Variants in ZNF322 observed in about 807,000 individuals in gnomAD.
The protein encoded by ZNF322 is HLA complex group 12.
ZNF322 carries 1 observed loss-of-function variant against 18.3 expected under a neutral mutation model. The ratio of observed to expected loss-of-function variants is 0.05; its 90% CI spans 0.02 to 0.26. ZNF322 has a LOEUF of 0.26. ZNF322 is among the 10% of genes least tolerant of loss of function. ZNF322 has a pLI of 1.00. For synonymous variants in ZNF322, 17 were observed against 130.7 expected (o/e 0.13, Z 5.93); for missense variants, 36 against 403.6 (o/e 0.09, Z 7.80).
intron 2 of ZNF322, among the ~76,000 whole-genome samples, chr6:26,649,686 TATATATATATATA>T (rs1561924896): frequency 1.6e-3 from 138 of 84,148 alleles, no homozygotes; most frequent in Non-Finnish European, 2.2e-3. Flanking sequence ...TATATATATA[TATATATATATATA>T]TATTTTTTTT....
At chr6:26,653,487 T>C (rs1418155276) in intron 2 of ZNF322, among the ~76,000 whole-genome samples, 1 of 152,106 alleles carries the variant, frequency 6.6e-6, no homozygotes, top group African/African-American at 2.4e-5. Flanking sequence ...AAGAAAATGG[T>C]GAATAAACTA....
chr6:26,653,777 G>A (rs1212394153), intron 2 of ZNF322, among the ~76,000 whole-genome samples: 1 of 152,120 alleles, frequency 6.6e-6, no homozygotes, highest in African/African-American at 2.4e-5. Flanking sequence ...TTGGGTGGAG[G>A]AGAAGAGTCA....
chr6:26,659,185 T>C (rs1197100154), intron 1 of ZNF322, among the ~76,000 whole-genome samples: 1 of 152,248 alleles, frequency 6.6e-6, no homozygotes, highest in Non-Finnish European at 1.5e-5. Context: ...AGGTCCTTTT[T>C]TTCCTCGATA....
In ZNF322 at chr6:26,635,266, AAACC is replaced by A. The variant is rs1256632716; in HGVS notation, c.*2075_*2078del. The stretch of plus-strand genomic sequence containing the variant: ...GTTCAGGGATCTGCTAGGACAAATC[AAACC>A]AAAATCAGAGGATTTGGACTAGCAA... On this transcript the variant is annotated 3_prime_UTR_variant, in exon 4 of 4. Coordinates refer to ENST00000415922, the MANE Select transcript of ZNF322 (RefSeq NM_024639.5). 1 of 37,654 alleles carries A rather than the reference AAACC, an allele frequency of 2.7e-5. No individual in the cohort carries two copies. The highest frequency in any genetic ancestry group is 5.0e-5 in the Non-Finnish European group (1 of 19,912). 2.3% of individuals were successfully genotyped at this position (37,654 alleles called of 1,614,324 possible).
intron 1 of ZNF322, 150 bp downstream of exon 1, chr6:26,659,291 G>T: frequency 6.5e-6 from 1 of 154,110 alleles, no homozygotes. Context: ...ACTTTTCATT[G>T]ACCATCTTTC....
chr6:26,658,797 ACT>A (rs1400517515), intron 1 of ZNF322, 151 bp from the exon 2 acceptor site: 1 of 152,348 alleles, frequency 6.6e-6, no homozygotes, highest in African/African-American at 2.4e-5. Context: ...CTTTGCTTAC[ACT>A]GTTTCTCCTG....
chr6:26,655,275 G>A (rs1765747970), intron 2 of ZNF322, among the ~76,000 whole-genome samples: 2 of 152,186 alleles, frequency 1.3e-5, no homozygotes. Flanking sequence ...ATAAGGTCTG[G>A]AGATTAGATA....
At chr6:26,656,974 C>G (rs1014782676) in intron 2 of ZNF322, among the ~76,000 whole-genome samples, 1 of 152,090 alleles carries the variant, frequency 6.6e-6, no homozygotes, top group Non-Finnish European at 1.5e-5. Flanking sequence ...TAAGGCCGGG[C>G]GTGGTGGCTC....
intron 2 of ZNF322, among the ~76,000 whole-genome samples, chr6:26,648,503 A>G (rs538607662): frequency 1.2e-4 from 19 of 152,328 alleles, no homozygotes; most frequent in Middle Eastern, 3.4e-3. Flanking sequence ...AACTATCTCT[A>G]TTTGGAGGTG....
At chr6:26,640,384 C>T (rs1403847282) in intron 3 of ZNF322, among the ~76,000 whole-genome samples, 2 of 152,188 alleles carry the variant, frequency 1.3e-5, no homozygotes, top group African/African-American at 4.8e-5. Context: ...ACTCCAGTCA[C>T]CCTGAGTCTT....
At position 26,649,010 on chromosome 6, in the gene ZNF322, T is replaced by C. The variant is rs189932777; in HGVS notation, c.-245-5282A>G. Among the ~76,000 whole-genome samples, 269 of 152,386 alleles carry C rather than the reference T, an allele frequency of 1.8e-3. 1 individual carries two copies. Among genetic ancestry groups the C allele is most frequent in the Non-Finnish European group, 3.5e-3 (240 of 68,042 alleles). ...ACTGAAATAGGGTCATACTTATTCATTAATGTATTGAAAGGCAGAATTGAG... is the reference window on the plus strand; with the variant it reads ...ACTGAAATAGGGTCATACTTATTCACTAATGTATTGAAAGGCAGAATTGAG... On this transcript the variant is annotated intron_variant, in intron 2 of 3. Coordinates refer to ENST00000415922, the MANE Select transcript of ZNF322 (RefSeq NM_024639.5).
chr6:26,641,725 C>T (rs1765469352), intron 3 of ZNF322, among the ~76,000 whole-genome samples: 1 of 152,166 alleles, frequency 6.6e-6, no homozygotes, highest in Admixed American at 6.5e-5. Flanking sequence ...AAGCAGTATG[C>T]TTGGTAAAAG....
At chr6:26,654,470 A>G (rs1416853243) in intron 2 of ZNF322, among the ~76,000 whole-genome samples, 6 of 152,166 alleles carry the variant, frequency 3.9e-5, no homozygotes, top group African/African-American at 1.4e-4. Context: ...AGCCTGGACC[A>G]TCCTGATGTG....
rs117274383 is a variant in ZNF322, at chr6:26,655,322, C to T, written c.-246+3236G>A. Among the ~76,000 whole-genome samples the T allele has an allele frequency of 2.8e-3, 431 of 152,042 alleles. 5 individuals carry two copies. Among genetic ancestry groups the T allele is most frequent in the South Asian group, 7.3e-3 (35 of 4,826 alleles). On this transcript the variant is annotated intron_variant, in intron 2 of 3. Coordinates refer to ENST00000415922, the MANE Select transcript of ZNF322 (RefSeq NM_024639.5). ...TGTATGAATGTTAATTTCCTGACTCCGATAATGGTAATGATAATTTCTAGA... is the reference window on the plus strand; with the variant it reads ...TGTATGAATGTTAATTTCCTGACTCTGATAATGGTAATGATAATTTCTAGA...
At chr6:26,641,848 C>G (rs1765471896) in intron 3 of ZNF322, among the ~76,000 whole-genome samples, 1 of 152,180 alleles carries the variant, frequency 6.6e-6, no homozygotes, top group African/African-American at 2.4e-5. Flanking sequence ...CTCACTGAGA[C>G]AGCCTGAGAT....
intron 2 of ZNF322, among the ~76,000 whole-genome samples, chr6:26,648,326 T>C (rs1434036926): frequency 6.6e-6 from 1 of 152,160 alleles, no homozygotes; most frequent in Non-Finnish European, 1.5e-5. Context: ...TTTAATATGA[T>C]AAAACATACA....
At chr6:26,640,926 AATG>A (rs1167639848) in intron 3 of ZNF322, among the ~76,000 whole-genome samples, 2 of 152,350 alleles carry the variant, frequency 1.3e-5, no homozygotes, top group Non-Finnish European at 2.9e-5. Context: ...TTGTAAAGGA[AATG>A]ATATTAAAGC....
intron 2 of ZNF322, among the ~76,000 whole-genome samples, chr6:26,644,268 C>T (rs1765517029): frequency 6.6e-6 from 1 of 152,146 alleles, no homozygotes; most frequent in Non-Finnish European, 1.5e-5. Flanking sequence ...CCACACTTAA[C>T]CATTGATGTC....
rs550073426 is a variant in ZNF322 at position 26,654,416 on chromosome 6, CTT to C, written c.-246+4140_-246+4141del. On this transcript the variant is annotated intron_variant, in intron 2 of 3. Coordinates refer to ENST00000415922, the MANE Select transcript of ZNF322 (RefSeq NM_024639.5). ...TTCTACATTGAAAAGAATCAAGACT[CTT>C]TGGAGAAATGGCTGTTTCCACGGTT... 1.9e-4 allele frequency among the ~76,000 whole-genome samples: 29 copies of C among 152,126 alleles called. No individual in the cohort carries two copies. The South Asian group carries it at 5.0e-3, about 26-fold the overall frequency.
Sources: gnomAD v4.1 joint callset for allele counts (sites outside exome capture counted in the v4.1 genomes callset) on GRCh38, gnomAD v4.1.1 for gene constraint, MANE v1.5 for transcripts, NCBI Gene and HGNC (gene_info 2026-07-23, HGNC 2026-07-21) for gene names.